TRHDE: variants seen among roughly 807,000 people sequenced by gnomAD.
TRHDE encodes thyrotropin releasing hormone degrading enzyme, also known as thyrotropin-releasing hormone-degrading ectoenzyme.
A neutral mutation model predicts 125.7 loss-of-function variants in TRHDE; 72 were observed. The ratio of observed to expected loss-of-function variants is 0.57; its 90% CI spans 0.47 to 0.70. TRHDE has a LOEUF of 0.70. Ranked by LOEUF, TRHDE falls within the 30% of genes least tolerant of loss-of-function variation. The pLI, the probability that TRHDE is intolerant of heterozygous loss-of-function variation, is 0.00. For synonymous variants in TRHDE, 509 were observed against 509.1 expected (o/e 1.00, Z 0.00); for missense variants, 1,110 against 1,327.1 (o/e 0.84, Z 2.54).
chr12:72,241,226 T>C (rs1293997329), intron 2 of TRHDE, among the ~76,000 whole-genome samples: 1 of 152,194 alleles, frequency 6.6e-6, no homozygotes, highest in East Asian at 1.9e-4. Flanking sequence ...TGTAGACTGA[T>C]GTCACCACCA....
intron 6 of TRHDE, among the ~76,000 whole-genome samples, chr12:72,520,959 A>G (rs1879166261): frequency 6.6e-6 from 1 of 152,204 alleles, no homozygotes; most frequent in South Asian, 2.1e-4. Flanking sequence ...GATATCATGC[A>G]ATTTAAACTT....
At chr12:72,142,051 G>T (rs1248446402) in intron 2 of TRHDE, among the ~76,000 whole-genome samples, 1 of 150,048 alleles carries the variant, frequency 6.7e-6, no homozygotes, top group African/African-American at 2.5e-5. Context: ...GGCAAAGTAT[G>T]ATCTTCTGGG....
intron 1 of TRHDE, among the ~76,000 whole-genome samples, chr12:72,104,050 T>G (rs1215010638): frequency 6.6e-6 from 1 of 152,164 alleles, no homozygotes; most frequent in Admixed American, 6.5e-5. Flanking sequence ...TCTGGAAGAA[T>G]TATTCAAGCT....
chr12:72,509,279 C>T (rs999626601), intron 6 of TRHDE, among the ~76,000 whole-genome samples: 15 of 151,902 alleles, frequency 9.9e-5, no homozygotes, highest in Non-Finnish European at 1.9e-4. Context: ...CGCACCCCCC[C>T]GCACACACAA....
chr12:72,471,321 A>G (rs1263043544), intron 4 of TRHDE, among the ~76,000 whole-genome samples: 1 of 152,162 alleles, frequency 6.6e-6, no homozygotes, highest in East Asian at 1.9e-4. Flanking sequence ...AGTCTGTACT[A>G]AAGAGGATGG....
At chr12:72,315,298 T>C (rs183977339) in intron 2 of TRHDE, among the ~76,000 whole-genome samples, 8 of 152,318 alleles carry the variant, frequency 5.3e-5, no homozygotes, top group Admixed American at 4.6e-4. Context: ...AAGGATTGCT[T>C]TTTGCTAATT....
chr12:72,371,407 A>G (rs1032084457), intron 2 of TRHDE, among the ~76,000 whole-genome samples: 4 of 151,330 alleles, frequency 2.6e-5, no homozygotes, highest in African/African-American at 9.7e-5. Flanking sequence ...TATTATTATT[A>G]TACTTTAAGT....
chr12:72,277,534 T>C (rs1879531147), intron 1 of TRHDE, among the ~76,000 whole-genome samples: 2 of 152,208 alleles, frequency 1.3e-5, no homozygotes, highest in Admixed American at 1.3e-4. Context: ...CATTTGTTTC[T>C]GTAAAAACTT....
rs79822962 is a variant in TRHDE at position 72,484,923 on chromosome 12, G to C, written c.1584+11743G>C. Among the ~76,000 whole-genome samples, 946 of 152,238 alleles carry C rather than the reference G, an allele frequency of 6.2e-3. 6 individuals are homozygous for C. Among genetic ancestry groups the C allele is most frequent in the Non-Finnish European group, 9.5e-3 (648 of 68,018 alleles). On this transcript the variant is annotated intron_variant, in intron 5 of 18. Coordinates refer to ENST00000261180, the MANE Select transcript of TRHDE (RefSeq NM_013381.3). Reference sequence around the variant, plus strand: ...ACAGCAAAGAAACAGCAGAAATCTAGTAGAGCACAGAAACTCAGGATGGCT... The same window carrying C: ...ACAGCAAAGAAACAGCAGAAATCTACTAGAGCACAGAAACTCAGGATGGCT...
chr12:72,456,391 T>C (rs573211296), intron 3 of TRHDE, among the ~76,000 whole-genome samples: 1 of 152,172 alleles, frequency 6.6e-6, no homozygotes, highest in South Asian at 2.1e-4. Flanking sequence ...TAGCACTTCA[T>C]GTTATGTGTA....
intron 2 of TRHDE, among the ~76,000 whole-genome samples, chr12:72,224,176 A>G (rs1397868609): frequency 1.5e-5 from 2 of 130,728 alleles, no homozygotes; most frequent in African/African-American, 2.8e-5. Context: ...GTATCTATCT[A>G]TCTATCTATC....
chr12:72,565,615 C>A (rs923863625), intron 9 of TRHDE, among the ~76,000 whole-genome samples: 1 of 152,138 alleles, frequency 6.6e-6, no homozygotes, highest in Non-Finnish European at 1.5e-5. Context: ...ATTTTACTAA[C>A]CTCCACAGTC....
At chr12:72,587,932 C>A (rs1422713317) in intron 12 of TRHDE, among the ~76,000 whole-genome samples, 1 of 151,892 alleles carries the variant, frequency 6.6e-6, no homozygotes, top group Non-Finnish European at 1.5e-5. Context: ...ATTTAGTTAC[C>A]AGGTTTGTAT....
At chr12:72,550,321 T>C (rs1006809189) in intron 7 of TRHDE, among the ~76,000 whole-genome samples, 8 of 152,054 alleles carry the variant, frequency 5.3e-5, no homozygotes, top group African/African-American at 1.9e-4. Context: ...CATTGCCATT[T>C]GGTTAAAGTG....
At chr12:72,530,064 TTTC>T (rs1379093554) in intron 6 of TRHDE, among the ~76,000 whole-genome samples, 2 of 152,150 alleles carry the variant, frequency 1.3e-5, no homozygotes, top group African/African-American at 4.8e-5. Flanking sequence ...CGTTGAGCTG[TTTC>T]TTGTCTTTTG....
At chr12:72,474,543 T>A (rs1221391538) in intron 5 of TRHDE, among the ~76,000 whole-genome samples, 1 of 152,140 alleles carries the variant, frequency 6.6e-6, no homozygotes, top group Non-Finnish European at 1.5e-5. Flanking sequence ...CTATTTTATC[T>A]CGCTTGGCAT....
At chr12:72,194,121 C>T (rs1235867654) in intron 2 of TRHDE, among the ~76,000 whole-genome samples, 4 of 152,042 alleles carry the variant, frequency 2.6e-5, no homozygotes, top group Non-Finnish European at 5.9e-5. Flanking sequence ...TCTAGCCATA[C>T]ATGTGATAGG....
chr12:72,241,156 A>G (rs549345404), intron 2 of TRHDE, among the ~76,000 whole-genome samples: 13 of 152,216 alleles, frequency 8.5e-5, no homozygotes, highest in African/African-American at 3.1e-4. Flanking sequence ...AATCGATTCC[A>G]CTTAAAACAG....
intron 3 of TRHDE, among the ~76,000 whole-genome samples, chr12:72,443,245 A>G (rs965692329): frequency 1.4e-5 from 2 of 146,082 alleles, no homozygotes; most frequent in African/African-American, 2.6e-5. Context: ...CCACTACTTT[A>G]TGTGCTTGAG....
Sources: gnomAD v4.1 joint callset for allele counts (sites outside exome capture counted in the v4.1 genomes callset) on GRCh38, gnomAD v4.1.1 for gene constraint, MANE v1.5 for transcripts, NCBI Gene and HGNC (gene_info 2026-07-23, HGNC 2026-07-21) for gene names.